Variants in MAN1A1 observed in about 807,000 individuals in gnomAD.
MAN1A1 encodes mannosyl-oligosaccharide 1,2-alpha-mannosidase IA.
MAN1A1 carries 29 observed loss-of-function variants against 70.8 expected under a neutral mutation model. The ratio of observed to expected loss-of-function variants is 0.41; its 90% CI spans 0.31 to 0.56. MAN1A1 has a LOEUF of 0.56. MAN1A1 is among the 20% of genes least tolerant of loss of function. The pLI, the probability that MAN1A1 is intolerant of heterozygous loss-of-function variation, is 0.29. For missense variants in MAN1A1, 747 were observed against 841.3 expected, an observed-to-expected ratio of 0.89 and a Z score of 1.39; for synonymous variants, 349 against 330.1, an observed-to-expected ratio of 1.06 and a Z score of -0.62.
chr6:119,264,163 A>G (rs1432120835), intron 5 of MAN1A1, among the ~76,000 whole-genome samples: 2 of 152,248 alleles, frequency 1.3e-5, no homozygotes. Flanking sequence ...GGAGAAACTA[A>G]GAAATGCCAA....
intron 6 of MAN1A1, 138 bp from the exon 7 acceptor site, chr6:119,205,020 G>C (rs1228645300): frequency 2.5e-6 from 2 of 815,818 alleles, no homozygotes; most frequent in African/African-American, 3.5e-5. Context: ...ATAAAACCAA[G>C]CACTGTCTTC....
intron 5 of MAN1A1, among the ~76,000 whole-genome samples, chr6:119,277,829 C>T (rs9489652): frequency 2.1e-5 from 3 of 146,028 alleles, no homozygotes; most frequent in Non-Finnish European, 4.5e-5. Flanking sequence ...CCCAGCTACT[C>T]GGGAGGCTGA....
intron 6 of MAN1A1, among the ~76,000 whole-genome samples, chr6:119,233,720 GCTTCT>G (rs1456090421): frequency 3.3e-5 from 5 of 152,192 alleles, no homozygotes; most frequent in Non-Finnish European, 7.3e-5. Context: ...ATCCCTTGGT[GCTTCT>G]GTGAAAGGTG....
chr6:119,212,889 A>G (rs1774092876), intron 6 of MAN1A1, among the ~76,000 whole-genome samples: 1 of 152,226 alleles, frequency 6.6e-6, no homozygotes, highest in Admixed American at 6.5e-5. Context: ...ATTCTTTATC[A>G]CTACACTTCA....
At chr6:119,228,971 C>G (rs1459663715) in intron 6 of MAN1A1, among the ~76,000 whole-genome samples, 1 of 152,034 alleles carries the variant, frequency 6.6e-6, no homozygotes, top group Non-Finnish European at 1.5e-5. Flanking sequence ...TAAAAAGAAG[C>G]ATAAACACAG....
intron 2 of MAN1A1, among the ~76,000 whole-genome samples, chr6:119,330,364 C>T (rs906400233): frequency 6.6e-6 from 1 of 152,088 alleles, no homozygotes; most frequent in Admixed American, 6.5e-5. Context: ...AATCAGGAAC[C>T]CAAGAACCTC....
rs145366653 is a variant in MAN1A1 at position 119,188,388 on chromosome 6, G to A, written c.1719+17C>T. 79 of 1,573,526 alleles carry A rather than the reference G, an allele frequency of 5.0e-5. No homozygotes were observed. In the African/African-American group the frequency reaches 1.0e-3, roughly 20 times the overall value. ...TATGAAATTTATCTATAAGAAACAT[G>A]CAAATTAAAACATCACCTCTACGGC... On this transcript the variant is annotated intron_variant, in intron 11 of 12. Coordinates refer to ENST00000368468, the MANE Select transcript of MAN1A1 (RefSeq NM_005907.4).
At chr6:119,197,907 G>C (rs139743905) in intron 8 of MAN1A1, among the ~76,000 whole-genome samples, 286 of 152,246 alleles carry the variant, frequency 1.9e-3, no homozygotes, top group African/African-American at 6.6e-3. Flanking sequence ...GACCCAGAAG[G>C]TGAAGCGGAG....
upstream of MAN1A1, chr6:119,349,774 G>C (rs759561664): frequency 4.3e-5 from 42 of 983,874 alleles, 1 homozygote; most frequent in South Asian, 9.4e-5. Flanking sequence ...TCTCACTGCC[G>C]GTCTTGGGGC....
intron 2 of MAN1A1, among the ~76,000 whole-genome samples, chr6:119,316,399 C>T: frequency 6.6e-6 from 1 of 151,994 alleles, no homozygotes; most frequent in East Asian, 1.9e-4. Context: ...CTCCTGAGCT[C>T]AGGTGATCTG....
intron 12 of MAN1A1, 76 bp downstream of exon 12, chr6:119,180,236 G>T: frequency 2.1e-6 from 2 of 972,194 alleles, no homozygotes; most frequent in Non-Finnish European, 3.2e-6. Context: ...TTACTTGAAT[G>T]TGTTCATGAT....
chr6:119,225,168 G>T (rs1774472322), intron 6 of MAN1A1, among the ~76,000 whole-genome samples: 1 of 151,992 alleles, frequency 6.6e-6, no homozygotes, highest in Non-Finnish European at 1.5e-5. Context: ...TGTATCTGAA[G>T]AATATTCAGA....
intron 6 of MAN1A1, among the ~76,000 whole-genome samples, chr6:119,206,975 T>G (rs933814322): frequency 1.3e-5 from 2 of 152,128 alleles, no homozygotes; most frequent in African/African-American, 2.4e-5. Flanking sequence ...CTGGTTAAGT[T>G]TGGGGATTAG....
At chr6:119,241,664 A>G (rs1257629484) in intron 6 of MAN1A1, among the ~76,000 whole-genome samples, 2 of 152,190 alleles carry the variant, frequency 1.3e-5, no homozygotes, top group African/African-American at 2.4e-5. Context: ...TAAAATTTCA[A>G]TAATTAAATT....
chr6:119,305,030 T>G (rs1186400057), intron 3 of MAN1A1, among the ~76,000 whole-genome samples: 1 of 152,196 alleles, frequency 6.6e-6, no homozygotes, highest in African/African-American at 2.4e-5. Context: ...AAAATCATTA[T>G]GTATCTTATT....
In MAN1A1 at chr6:119,270,254, T is replaced by C. The variant is rs1311944362; in HGVS notation, c.897+20429A>G. 2.1e-5 allele frequency among the ~76,000 whole-genome samples: 3 copies of C among 140,048 alleles called. No homozygotes were observed. The East Asian group carries it at 5.8e-4, about 27-fold the overall frequency. The allele number at this position is 140,048 out of a possible 152,430, so 91.9% of individuals were successfully genotyped here. ...GAGATGCTCATAGCTACTGGTTTCA[T>C]ACTGTTTCTAGGTCTTTTCAGGGGA... is the stretch of plus-strand genomic sequence containing the variant. On this transcript the variant is annotated intron_variant, in intron 5 of 12. Coordinates refer to ENST00000368468, the MANE Select transcript of MAN1A1 (RefSeq NM_005907.4).
intron 6 of MAN1A1, among the ~76,000 whole-genome samples, chr6:119,211,469 A>G (rs1774048254): frequency 6.6e-6 from 1 of 152,252 alleles, no homozygotes; most frequent in African/African-American, 2.4e-5. Context: ...AGTGCTCAAT[A>G]CATGCTTAAT....
chr6:119,294,759 A>C (rs1397887906), intron 4 of MAN1A1, among the ~76,000 whole-genome samples: 1 of 152,114 alleles, frequency 6.6e-6, no homozygotes, highest in Non-Finnish European at 1.5e-5. Flanking sequence ...ACTTAATCAA[A>C]GAACACACTG....
At chr6:119,281,303 G>A (rs542827858) in intron 5 of MAN1A1, among the ~76,000 whole-genome samples, 1 of 152,280 alleles carries the variant, frequency 6.6e-6, no homozygotes, top group South Asian at 2.1e-4. Flanking sequence ...CTTATCTTCT[G>A]CTACTCTGGG....
Sources: allele counts gnomAD v4.1 joint callset (sites outside exome capture counted in the v4.1 genomes callset), GRCh38; gene constraint gnomAD v4.1.1; transcripts MANE v1.5; gene names NCBI Gene and HGNC (gene_info 2026-07-23, HGNC 2026-07-21).